CBFA2T3: variants seen among roughly 807,000 people sequenced by gnomAD.
The protein encoded by CBFA2T3 is transcriptional corepressor CBFA2T3.
CBFA2T3 carries 31 observed loss-of-function variants against 58.6 expected under a neutral mutation model. The observed-to-expected ratio is 0.53, with a 90% CI of 0.40 to 0.71. The LOEUF (loss-of-function observed/expected upper bound fraction) is 0.71, where lower values mean the gene tolerates loss of function less well. CBFA2T3 is among the 30% of genes least tolerant of loss of function. The probability of loss-of-function intolerance (pLI) is 0.00; values close to 1 mark genes in which losing one functional copy is unlikely to be tolerated. For missense variants in CBFA2T3, 1,076 were observed against 963.1 expected (o/e 1.12, Z -1.55); for synonymous variants, 531 against 421.9 (o/e 1.26, Z -3.17).
chr16:88,970,050 G>A (rs1051660234), intron 1 of CBFA2T3, among the ~76,000 whole-genome samples: 3 of 152,222 alleles, frequency 2.0e-5, no homozygotes, highest in Non-Finnish European at 4.4e-5. Flanking sequence ...CACAAAGGGG[G>A]CGCCTGGAAA....
At chr16:88,925,234 C>T (rs1971047817) in intron 1 of CBFA2T3, among the ~76,000 whole-genome samples, 1 of 152,246 alleles carries the variant, frequency 6.6e-6, no homozygotes, top group South Asian at 2.1e-4. Context: ...AGGTGCCAGG[C>T]AGGCAGATGG....
At position 88,876,052 on chromosome 16, in the gene CBFA2T3, G is replaced by C; in HGVS notation, c.*924C>G. The C allele has an allele frequency of 4.3e-6, 1 of 232,936 alleles. No homozygotes were observed. The highest frequency in any genetic ancestry group is 6.1e-5 in the East Asian group (1 of 16,492). 14.4% of individuals were successfully genotyped at this position (232,936 alleles called of 1,614,324 possible). ...ACAAAATCAGAACAGAAGAGAAAAAGACCCACATCCAAACAAACCCAAGAG... is the reference window on the plus strand; with the variant it reads ...ACAAAATCAGAACAGAAGAGAAAAACACCCACATCCAAACAAACCCAAGAG... On this transcript the variant is annotated 3_prime_UTR_variant, in exon 12 of 12. Transcript: ENST00000268679.
chr16:88,906,007 C>A (rs1049501420), intron 1 of CBFA2T3, among the ~76,000 whole-genome samples: 19 of 151,820 alleles, frequency 1.3e-4, no homozygotes, highest in Non-Finnish European at 2.4e-4. Flanking sequence ...CAAGCCACAG[C>A]CTCTCTGTCC....
intron 1 of CBFA2T3, among the ~76,000 whole-genome samples, chr16:88,908,376 C>G (rs1202088542): frequency 6.6e-6 from 1 of 152,096 alleles, no homozygotes; most frequent in Non-Finnish European, 1.5e-5. Flanking sequence ...AAGAAAATTC[C>G]CAGACCCTGG....
Position 88,894,018 on chromosome 16 carries a change from G to A in CBFA2T3, c.380-1533C>T, listed in dbSNP as rs572556217. 8.9e-4 allele frequency among the ~76,000 whole-genome samples: 136 copies of A among 152,248 alleles called. 1 individual carries two copies. Among genetic ancestry groups the A allele is most frequent in the African/African-American group, 3.0e-3 (126 of 41,528 alleles). On this transcript the variant is annotated intron_variant, in intron 3 of 11. Transcript: ENST00000268679. ...AGCTCCTTCTGTCAGGAGGACTGAAGCCCCGCACACACTCACGGCTGGCTC... is the reference window on the plus strand; with the variant it reads ...AGCTCCTTCTGTCAGGAGGACTGAAACCCCGCACACACTCACGGCTGGCTC...
chr16:88,942,364 C>T (rs12928212), intron 1 of CBFA2T3, among the ~76,000 whole-genome samples: 1,730 of 152,330 alleles, frequency 0.011, 14 homozygotes, highest in Middle Eastern at 0.024. Flanking sequence ...CACAAGAGGC[C>T]AGACCTTCAG....
rs1021782316 is a variant in CBFA2T3 at position 88,958,348 on chromosome 16, G to A, written c.151+18309C>T. 2.6e-5 allele frequency among the ~76,000 whole-genome samples: 4 copies of A among 152,156 alleles called. No homozygotes were observed. ...CCCAAAGCTCCCAGGGAGAAGTTGAGGTTGATGTGGTCACCTCGAATGGGG... is the reference window on the plus strand; with the variant it reads ...CCCAAAGCTCCCAGGGAGAAGTTGAAGTTGATGTGGTCACCTCGAATGGGG... On this transcript the variant is annotated intron_variant, in intron 1 of 11. Coordinates refer to ENST00000268679, the MANE Select transcript of CBFA2T3 (RefSeq NM_005187.6). This position sits in a 1 kb window ranked among gnomAD's most constrained non-coding sequence, Gnocchi z 4.0.
At chr16:88,951,640 GC>G in intron 1 of CBFA2T3, 1 of 359,120 alleles carries the variant, frequency 2.8e-6, no homozygotes, top group Non-Finnish European at 5.4e-6. Context: ...CCCAGGGTGG[GC>G]ACAGGGCTAG....
chr16:88,936,450 C>G (rs562120698), intron 1 of CBFA2T3, among the ~76,000 whole-genome samples: 4 of 152,002 alleles, frequency 2.6e-5, no homozygotes, highest in African/African-American at 9.6e-5. Flanking sequence ...GAGTATCCAC[C>G]ACGACCCCAG....
intron 1 of CBFA2T3, among the ~76,000 whole-genome samples, chr16:88,975,469 A>C (rs972189017): frequency 3.9e-5 from 6 of 152,224 alleles, no homozygotes; most frequent in Non-Finnish European, 8.8e-5. Flanking sequence ...GAAGGGTCTG[A>C]ACCATGAGGA....
At chr16:88,975,743 C>T (rs573929910) in intron 1 of CBFA2T3, among the ~76,000 whole-genome samples, 3 of 152,248 alleles carry the variant, frequency 2.0e-5, no homozygotes, top group East Asian at 1.9e-4. Flanking sequence ...TGGGGCCCCA[C>T]GGGCAGCTGC....
rs1231160654 is a variant in CBFA2T3 at position 88,977,204 on chromosome 16, G to A, written c.-397C>T. The A allele has an allele frequency of 3.9e-6, 1 of 258,476 alleles. No individual in the cohort carries two copies. The highest frequency in any genetic ancestry group is 7.5e-6 in the Non-Finnish European group (1 of 132,638). 16.0% of individuals were successfully genotyped at this position (258,476 alleles called of 1,614,324 possible). On this transcript the variant is annotated 5_prime_UTR_variant, in exon 1 of 12. Transcript: ENST00000268679. ...CGCGGCCTTCCCTCGGGCCATTCCG[G>A]TTTGACCTTCCAACAACTTCCTCCT...
intron 1 of CBFA2T3, among the ~76,000 whole-genome samples, chr16:88,974,133 C>T (rs556273757): frequency 9.2e-5 from 14 of 152,344 alleles, no homozygotes; most frequent in East Asian, 7.7e-4. Context: ...CTGGCACCCT[C>T]CTCGGGTGAC....
At chr16:88,930,148 A>G (rs1425116782) in intron 1 of CBFA2T3, among the ~76,000 whole-genome samples, 3 of 147,326 alleles carry the variant, frequency 2.0e-5, no homozygotes, top group Non-Finnish European at 4.4e-5. Context: ...AAAGCTACCA[A>G]TACCCACAGC....
chr16:88,885,014 C>A lies in CBFA2T3; in HGVS notation c.1117+32G>T. 6.6e-7 allele frequency: 1 copy of A among 1,519,184 alleles called. No homozygotes were observed. The highest frequency in any genetic ancestry group is 8.9e-7 in the Non-Finnish European group (1 of 1,120,728). 94.1% of individuals were successfully genotyped at this position (1,519,184 alleles called of 1,614,324 possible). A position where few individuals can be genotyped will look rare whatever the true frequency, so the allele number is the denominator to read the frequency against. ...GGCGCATGTGTGCTCCTGTAACACG[C>A]GTCCACGCTCCCGCCCCACCGGGCT... On this transcript the variant is annotated intron_variant, in intron 7 of 11. Coordinates refer to ENST00000268679, the MANE Select transcript of CBFA2T3 (RefSeq NM_005187.6). The surrounding 1 kb of genome is among the most constrained non-coding windows in gnomAD (Gnocchi z 5.3).
In CBFA2T3 at chr16:88,976,679, C is replaced by A; in HGVS notation, c.129G>T (p.Arg43=). 1 of 1,563,880 alleles carries A rather than the reference C, an allele frequency of 6.4e-7. No homozygotes were observed. The highest frequency in any genetic ancestry group is 2.4e-5 in the East Asian group (1 of 41,910). The change falls in exon 1 of 12, where the codon CGG becomes CGT. Residue 43 remains arginine, a synonymous_variant. Transcript: ENST00000268679. ...TACCTGGGCCGCCCTTCCTGGGACC[C>A]CGGGGTGCGGAGCAGCCGGCAGATG... is the stretch of plus-strand genomic sequence containing the variant. ...LLASAGCSAP[R]GPRKGGPAPV...
intron 1 of CBFA2T3, among the ~76,000 whole-genome samples, chr16:88,975,523 C>A (rs116547555): frequency 1.3e-5 from 2 of 152,262 alleles, no homozygotes; most frequent in South Asian, 2.1e-4. Flanking sequence ...GGCCACTCAG[C>A]GCCAGGGGAT....
rs1324337058 is a variant in CBFA2T3, at chr16:88,964,896, C to T, written c.151+11761G>A. 3.4e-5 allele frequency among the ~76,000 whole-genome samples: 5 copies of T among 147,928 alleles called. No individual in the cohort carries two copies. In the Admixed American group the frequency reaches 3.4e-4, roughly 10 times the overall value. ...AACTGTCCATCCATCCATCCATCCACCATCTATCCACTTATCCATCCATCC... is the reference window on the plus strand; with the variant it reads ...AACTGTCCATCCATCCATCCATCCATCATCTATCCACTTATCCATCCATCC... On this transcript the variant is annotated intron_variant, in intron 1 of 11. Transcript: ENST00000268679.
intron 1 of CBFA2T3, chr16:88,938,041 G>A (rs913496177): frequency 2.0e-5 from 3 of 152,466 alleles, no homozygotes; most frequent in African/African-American, 7.2e-5. Context: ...AGCAGGGCAG[G>A]AAGCAGAGGT....
Sources: allele counts gnomAD v4.1 joint callset (sites outside exome capture counted in the v4.1 genomes callset), GRCh38; gene constraint gnomAD v4.1.1; non-coding constraint Gnocchi (gnomAD v3.1); transcripts MANE v1.5; gene names NCBI Gene and HGNC (gene_info 2026-07-23, HGNC 2026-07-21).